KIRREL1: variants seen among roughly 807,000 people sequenced by gnomAD.
KIRREL1 encodes kirre like nephrin family adhesion molecule 1, also known as kin of IRRE-like protein 1.
A neutral mutation model predicts 83.3 loss-of-function variants in KIRREL1; 25 were observed. That is an observed-to-expected ratio of 0.30 (90% CI 0.22 to 0.42). The LOEUF is 0.42. KIRREL1 is among the 10% of genes least tolerant of loss of function. The pLI, the probability that KIRREL1 is intolerant of heterozygous loss-of-function variation, is 1.00. For synonymous variants in KIRREL1, 388 were observed against 410.4 expected (o/e 0.95, Z 0.66); for missense variants, 812 against 1,032.3 (o/e 0.79, Z 2.92).
At position 158,094,198 on chromosome 1, in the gene KIRREL1, C is replaced by T. The variant is rs1662285811; in HGVS notation, c.1720-115C>T. 2.3e-6 allele frequency: 2 copies of T among 869,726 alleles called. No individual in the cohort carries two copies. Among genetic ancestry groups the T allele is most frequent in the East Asian group, 5.3e-5 (2 of 37,814 alleles). The allele number at this position is 869,726 out of a possible 1,614,324, so 53.9% of individuals were successfully genotyped here. ...GAGAGGACCAGAACTCAAGTCTGCCCTTGACCTCAGACCCCACCCATGAGC... is the reference window on the plus strand; with the variant it reads ...GAGAGGACCAGAACTCAAGTCTGCCTTTGACCTCAGACCCCACCCATGAGC... On this transcript the variant is annotated intron_variant, in intron 13 of 14. Transcript: ENST00000359209. This position sits in a 1 kb window ranked among gnomAD's most constrained non-coding sequence, Gnocchi z 4.6.
intron 1 of KIRREL1, among the ~76,000 whole-genome samples, chr1:158,002,412 A>T (rs1165207565): frequency 6.6e-6 from 1 of 152,186 alleles, no homozygotes; most frequent in Admixed American, 6.5e-5. Context: ...CCTTAGATAC[A>T]TGTGCATTTA....
At chr1:158,079,203 A>T (rs1335294228) in intron 3 of KIRREL1, among the ~76,000 whole-genome samples, 7 of 151,808 alleles carry the variant, frequency 4.6e-5, no homozygotes, top group African/African-American at 1.7e-4. Flanking sequence ...CCTTCCTTCT[A>T]ACTTGAAATC....
chr1:158,086,453 G>A (rs1351555944), intron 4 of KIRREL1, 143 bp from the exon 5 acceptor site: 1 of 614,836 alleles, frequency 1.6e-6, no homozygotes, highest in East Asian at 3.2e-5. Flanking sequence ...CACACACAAG[G>A]GAAGAGGTTG....
chr1:158,053,123 C>A (rs778052818), intron 1 of KIRREL1, among the ~76,000 whole-genome samples: 1 of 152,164 alleles, frequency 6.6e-6, no homozygotes, highest in Non-Finnish European at 1.5e-5. Flanking sequence ...TTGGAGGGGA[C>A]AAACTTCCAA....
intron 1 of KIRREL1, among the ~76,000 whole-genome samples, chr1:158,068,670 C>T (rs1661422335): frequency 6.6e-6 from 1 of 152,220 alleles, no homozygotes. Context: ...GCCAATCTCT[C>T]CCTTTCTTCT....
intron 1 of KIRREL1, among the ~76,000 whole-genome samples, chr1:158,028,598 G>A (rs1413934480): frequency 1.5e-4 from 1 of 6,832 alleles, no homozygotes; most frequent in African/African-American, 1.9e-4. Flanking sequence ...AGCCCAGGAG[G>A]CATTTTCCTG....
At chr1:158,003,196 AT>A (rs2101624268) in intron 1 of KIRREL1, among the ~76,000 whole-genome samples, 1 of 152,112 alleles carries the variant, frequency 6.6e-6, no homozygotes, top group South Asian at 2.1e-4. Flanking sequence ...GCTTCTTCCC[AT>A]TCGATTCGCT....
At chr1:158,076,530 T>C (rs1661687620) in intron 2 of KIRREL1, among the ~76,000 whole-genome samples, 1 of 151,778 alleles carries the variant, frequency 6.6e-6, no homozygotes, top group Non-Finnish European at 1.5e-5. Context: ...TATAAGAGAG[T>C]TTCAGGCAGA....
intron 1 of KIRREL1, among the ~76,000 whole-genome samples, chr1:158,033,614 A>G (rs1055507550): frequency 1.3e-5 from 2 of 152,194 alleles, no homozygotes; most frequent in African/African-American, 2.4e-5. Flanking sequence ...CTCAAAGCCT[A>G]CTGCTGCAGA....
In KIRREL1 at chr1:158,084,550, A is replaced by G; in HGVS notation, c.481A>G (p.Thr161Ala). 6.4e-7 allele frequency: 1 copy of G among 1,551,750 alleles called. No individual in the cohort carries two copies. Among genetic ancestry groups the G allele is most frequent in the East Asian group, 2.4e-5 (1 of 40,918 alleles). ...CACCATCATCTGGTTCCGGGACGGG[A>G]CGCAGCAGGAGGGCGCTGTGGCCAG... ...AATIIWFRDG[T>A]QQEGAVASTE... is the part of the protein sequence containing the mutation. Residue 161 changes from threonine to alanine, a missense_variant, in exon 4 of 15, where the codon ACG becomes GCG. Physicochemically the swap from Thr to Ala is moderately conservative, Grantham distance 58 (BLOSUM62 0). Around this residue, in one of 3 missense-constraint regions of KIRREL1, gnomAD observed 472 missense variants for 626.8 expected, o/e 0.75. Coordinates refer to ENST00000359209, the MANE Select transcript of KIRREL1 (RefSeq NM_018240.7).
At position 158,096,698 on chromosome 1, in the gene KIRREL1, C is replaced by T. The variant is rs1050942419; in HGVS notation, c.*1578C>T. On this transcript the variant is annotated 3_prime_UTR_variant, in exon 15 of 15. Transcript: ENST00000359209. ...ACCTTCCATGTGACTGCTTCTCAGC[C>T]ACCACTTTCTGACCAAAGAGAACAG... 6.6e-6 allele frequency: 3 copies of T among 456,588 alleles called. No homozygotes were observed. Among genetic ancestry groups the T allele is most frequent in the Non-Finnish European group, 1.3e-5 (3 of 226,980 alleles). The allele number at this position is 456,588 out of a possible 1,614,324, so 28.3% of individuals were successfully genotyped here.
At chr1:157,999,750 A>G (rs2101619100) in intron 1 of KIRREL1, among the ~76,000 whole-genome samples, 1 of 152,228 alleles carries the variant, frequency 6.6e-6, no homozygotes, top group East Asian at 1.9e-4. Flanking sequence ...GGTTGTCAGC[A>G]GTAGAGGAGA....
chr1:158,093,985 T>G (rs1662281221), intron 13 of KIRREL1, among the ~76,000 whole-genome samples: 1 of 152,262 alleles, frequency 6.6e-6, no homozygotes, highest in South Asian at 2.1e-4. Context: ...AGACTTCCTT[T>G]GCCCCACAGT....
intron 4 of KIRREL1, 44 bp from the exon 5 acceptor site, chr1:158,086,552 G>C (rs1662019915): frequency 6.5e-7 from 1 of 1,542,320 alleles, no homozygotes; most frequent in African/African-American, 1.4e-5. Context: ...GCAGAGGAGG[G>C]GGCTTTTAGC....
chr1:158,031,211 G>C (rs984969731), intron 1 of KIRREL1: 9 of 152,212 alleles, frequency 5.9e-5, no homozygotes, highest in African/African-American at 2.2e-4. Flanking sequence ...GGGAATTGAA[G>C]GCTGTAATGG....
At chr1:158,077,859 C>CT (rs1661728898) in intron 2 of KIRREL1, 132 bp from the exon 3 acceptor site, 1 of 1,016,298 alleles carries the variant, frequency 9.8e-7, no homozygotes, top group Non-Finnish European at 1.5e-6. Context: ...CATCAGGTGT[C>CT]TGTGTCTGGG....
intron 11 of KIRREL1, 53 bp downstream of exon 11, chr1:158,091,609 G>A: frequency 1.3e-6 from 2 of 1,562,336 alleles, no homozygotes; most frequent in East Asian, 2.2e-5. Context: ...TGAGGATTCT[G>A]CTCCTTCTTT....
intron 3 of KIRREL1, among the ~76,000 whole-genome samples, chr1:158,078,903 C>T (rs767224114): frequency 2.6e-4 from 39 of 152,196 alleles, no homozygotes; most frequent in Non-Finnish European, 5.4e-4. Context: ...GGGACTCTCT[C>T]CTGCAGCAGT....
chr1:158,081,834 G>A (rs1437142946), intron 3 of KIRREL1, among the ~76,000 whole-genome samples: 2 of 152,120 alleles, frequency 1.3e-5, no homozygotes, highest in East Asian at 3.8e-4. Context: ...ATGAACAAAG[G>A]GGCAGGAGGC....
Sources: allele counts gnomAD v4.1 joint callset (sites outside exome capture counted in the v4.1 genomes callset), GRCh38; gene constraint gnomAD v4.1.1; regional missense constraint gnomAD v4.1.1; non-coding constraint Gnocchi (gnomAD v3.1); transcripts MANE v1.5; gene names NCBI Gene and HGNC (gene_info 2026-07-23, HGNC 2026-07-21).